POLR1D: variants seen among roughly 807,000 people sequenced by gnomAD.
The protein encoded by POLR1D is RNA polymerase I and III subunit D, also known as DNA-directed RNA polymerases I and III subunit RPAC2.
In POLR1D, 8 loss-of-function variants were observed where a neutral mutation model predicts 10.8. That is an observed-to-expected ratio of 0.74 (90% CI 0.43 to 1.33). POLR1D has a LOEUF of 1.33. POLR1D is among the 40% of genes most tolerant of loss of function. The probability of loss-of-function intolerance (pLI) is 0.01; values close to 1 mark genes in which losing one functional copy is unlikely to be tolerated. For synonymous variants in POLR1D, 54 were observed against 57.2 expected, an observed-to-expected ratio of 0.94 and a Z score of 0.25; for missense variants, 152 against 161.7, an observed-to-expected ratio of 0.94 and a Z score of 0.32.
chr13:27,666,719 A>G (rs1209102598), exon 3 of POLR1D: 1 of 152,206 alleles, frequency 6.6e-6, no homozygotes, highest in Non-Finnish European at 1.5e-5. Flanking sequence ...ATACCACTAT[A>G]TAGTATAGTT....
In POLR1D at chr13:27,665,864, A is replaced by G. The variant is rs532679899; in HGVS notation, c.280A>G (p.Ser94Gly). ...ACACAGAAGCCATCCTTACAAGCAC[A>G]GCTTCCGCGCTCGAGGTTCCGCCAG... The change falls in exon 3 of 3, where the codon AGC becomes GGC. Residue 94 changes from serine (S) to glycine (G), a missense_variant. Coordinates refer to the POLR1D transcript ENST00000399697. The G allele has an allele frequency of 9.0e-5, 145 of 1,614,114 alleles. 2 individuals are homozygous for G. In the South Asian group the frequency reaches 1.6e-3, roughly 18 times the overall value.
intron 1 of POLR1D, among the ~76,000 whole-genome samples, chr13:27,637,740 T>C (rs746347801): frequency 1.3e-5 from 2 of 152,150 alleles, no homozygotes; most frequent in African/African-American, 2.4e-5. Context: ...AACTTGAAAC[T>C]TGACGGTGTA....
chr13:27,621,915 C>A lies in POLR1D; in HGVS notation c.-69C>A. On this transcript the variant is annotated 5_prime_UTR_variant, in exon 1 of 2. Coordinates refer to ENST00000302979, the MANE Select transcript of POLR1D (RefSeq NM_015972.4). ...GTCCTTGCTTCCTGCTTCGCCTCCG[C>A]GCCTCGCGCTATGGGACAGAGCCCC... The A allele has an allele frequency of 6.6e-7, 1 of 1,518,188 alleles. No individual in the cohort carries two copies. Among genetic ancestry groups the A allele is most frequent in the Non-Finnish European group, 9.0e-7 (1 of 1,112,528 alleles). The allele number at this position is 1,518,188 out of a possible 1,614,324, so 94.0% of individuals were successfully genotyped here.
intron 1 of POLR1D, among the ~76,000 whole-genome samples, chr13:27,636,460 G>C (rs994849608): frequency 1.3e-5 from 2 of 151,972 alleles, no homozygotes; most frequent in Non-Finnish European, 2.9e-5. Flanking sequence ...AAACATTTTG[G>C]TTCAGGTAAT....
chr13:27,650,187 G>A (rs552956514), intron 2 of POLR1D: 6 of 396,788 alleles, frequency 1.5e-5, no homozygotes, highest in African/African-American at 1.0e-4. Flanking sequence ...TGCCAAGCAA[G>A]GAAGCTCATC....
chr13:27,635,696 CTATA>C (rs3081355), intron 1 of POLR1D, among the ~76,000 whole-genome samples: 44,418 of 140,118 alleles, frequency 0.32, 7,461 homozygotes, highest in East Asian at 0.42. Context: ...TACAAAGTAA[CTATA>C]TATATATATA....
At chr13:27,634,893 T>C (rs983226757) in intron 1 of POLR1D, among the ~76,000 whole-genome samples, 2 of 152,058 alleles carry the variant, frequency 1.3e-5, no homozygotes, top group African/African-American at 4.8e-5. Flanking sequence ...CAGCCTGGTC[T>C]CGAACTCCTG....
At chr13:27,647,733 A>G (rs1956233136) in intron 1 of POLR1D, among the ~76,000 whole-genome samples, 1 of 152,154 alleles carries the variant, frequency 6.6e-6, no homozygotes. Context: ...ATCAGTAAAT[A>G]TTTAAGTTTT....
intron 1 of POLR1D, among the ~76,000 whole-genome samples, chr13:27,630,682 GAAAT>G (rs1234084801): frequency 2.0e-5 from 3 of 152,168 alleles, no homozygotes; most frequent in Non-Finnish European, 4.4e-5. Context: ...GCTATTGTGA[GAAAT>G]AAATGAAATA....
chr13:27,638,715 G>C (rs1956148962), intron 1 of POLR1D, among the ~76,000 whole-genome samples: 1 of 152,160 alleles, frequency 6.6e-6, no homozygotes. Context: ...CATCCTCGGG[G>C]CTGAGATCCA....
At chr13:27,630,869 C>T (rs182043475) in intron 1 of POLR1D, among the ~76,000 whole-genome samples, 4 of 152,088 alleles carry the variant, frequency 2.6e-5, no homozygotes, top group African/African-American at 4.8e-5. Context: ...ATGAGCTGCC[C>T]GCCTCCCCCA....
At chr13:27,636,800 T>C (rs993835421) in intron 1 of POLR1D, among the ~76,000 whole-genome samples, 1 of 152,220 alleles carries the variant, frequency 6.6e-6, no homozygotes, top group Non-Finnish European at 1.5e-5. Context: ...AACTTAGTTC[T>C]AAACTCTTTG....
chr13:27,628,494 G>T (rs1956039862), intron 1 of POLR1D, among the ~76,000 whole-genome samples: 1 of 152,186 alleles, frequency 6.6e-6, no homozygotes, highest in African/African-American at 2.4e-5. Flanking sequence ...TAACATTTGA[G>T]CAGAGAAATA....
intron 1 of POLR1D, among the ~76,000 whole-genome samples, chr13:27,643,480 A>G (rs994310477): frequency 6.6e-6 from 1 of 152,190 alleles, no homozygotes; most frequent in Non-Finnish European, 1.5e-5. Context: ...ACTAAGTCAT[A>G]AAGAACCCAA....
At chr13:27,637,946 A>G (rs1057330175) in intron 1 of POLR1D, among the ~76,000 whole-genome samples, 1 of 151,684 alleles carries the variant, frequency 6.6e-6, no homozygotes, top group Non-Finnish European at 1.5e-5. Context: ...TTTTTTTTGT[A>G]TAGTATATTT....
chr13:27,654,961 T>A (rs1956295688), intron 2 of POLR1D, among the ~76,000 whole-genome samples: 1 of 152,212 alleles, frequency 6.6e-6, no homozygotes, highest in Non-Finnish European at 1.5e-5. Flanking sequence ...ACTTTGTAGA[T>A]TGCCTCATGA....
At chr13:27,654,997 G>A (rs974156654) in intron 2 of POLR1D, among the ~76,000 whole-genome samples, 3 of 152,160 alleles carry the variant, frequency 2.0e-5, no homozygotes, top group African/African-American at 7.2e-5. Context: ...AGGGTTCACG[G>A]GTCACATGGT....
chr13:27,625,160 AAGG>A (rs957620486), downstream of POLR1D, among the ~76,000 whole-genome samples: 4 of 152,190 alleles, frequency 2.6e-5, no homozygotes, highest in African/African-American at 9.7e-5. Context: ...CACAGTAGAC[AAGG>A]AGAAGGGCCT....
intron 2 of POLR1D, among the ~76,000 whole-genome samples, chr13:27,657,555 A>C (rs1956319835): frequency 6.6e-6 from 1 of 152,070 alleles, no homozygotes; most frequent in African/African-American, 2.4e-5. Flanking sequence ...AAAAAATAAA[A>C]ATACACATCT....
Sources: allele counts gnomAD v4.1 joint callset (sites outside exome capture counted in the v4.1 genomes callset), GRCh38; gene constraint gnomAD v4.1.1; transcripts MANE v1.5; gene names NCBI Gene and HGNC (gene_info 2026-07-23, HGNC 2026-07-21).